The following PPM1L variants were observed in gnomAD, a reference collection of about 807,000 sequenced individuals.
PPM1L encodes the protein protein phosphatase, Mg2+/Mn2+ dependent 1L.
Under a neutral mutation model 31.4 loss-of-function variants are expected in PPM1L, and 13 were observed. The observed-to-expected ratio is 0.41, with a 90% CI of 0.27 to 0.66. The LOEUF (loss-of-function observed/expected upper bound fraction) is 0.66, where lower values mean the gene tolerates loss of function less well. Among genes scored for constraint, PPM1L ranks in the 30% least tolerant of loss-of-function variants. The probability of loss-of-function intolerance (pLI) is 0.29; values close to 1 mark genes in which losing one functional copy is unlikely to be tolerated. For missense variants in PPM1L, 326 were observed against 453.7 expected (o/e 0.72, Z 2.56); for synonymous variants, 184 against 175.4 (o/e 1.05, Z -0.39).
intron 1 of PPM1L, among the ~76,000 whole-genome samples, chr3:160,917,187 A>G (rs1714214310): frequency 6.6e-6 from 1 of 152,212 alleles, no homozygotes; most frequent in South Asian, 2.1e-4. Flanking sequence ...TATTTGGTTC[A>G]ATGACATTGA....
At chr3:160,878,383 T>G (rs946105161) in intron 1 of PPM1L, among the ~76,000 whole-genome samples, 4 of 152,202 alleles carry the variant, frequency 2.6e-5, no homozygotes, top group East Asian at 3.9e-4. Context: ...CTGGGAAGTC[T>G]AAAATCAAAG....
intron 2 of PPM1L, among the ~76,000 whole-genome samples, chr3:161,062,458 A>G (rs1719600889): frequency 6.6e-6 from 1 of 152,106 alleles, no homozygotes; most frequent in African/African-American, 2.4e-5. Context: ...ATAAGAACCT[A>G]TCACCTACCC....
In PPM1L at chr3:160,852,788, A is replaced by G. The variant is rs527338737; in HGVS notation, c.399+96081A>G. Among the ~76,000 whole-genome samples, 12 of 152,330 alleles carry G rather than the reference A, an allele frequency of 7.9e-5. No individual in the cohort carries two copies. The East Asian group carries it at 2.3e-3, about 29-fold the overall frequency. ...GGTACTTCAGGTCATTTACTGTAGA[A>G]TTTATGTTTATAACACTGTATTTTA... On this transcript the variant is annotated intron_variant, in intron 1 of 3. Transcript: ENST00000498165.
chr3:161,027,829 AT>A (rs1718452160), intron 2 of PPM1L, among the ~76,000 whole-genome samples: 1 of 152,186 alleles, frequency 6.6e-6, no homozygotes, highest in African/African-American at 2.4e-5. Flanking sequence ...TTGCAAAAAA[AT>A]TTGCAAAAAG....
At chr3:160,966,436 A>T (rs1430328346) in intron 2 of PPM1L, among the ~76,000 whole-genome samples, 1 of 152,110 alleles carries the variant, frequency 6.6e-6, no homozygotes, top group Non-Finnish European at 1.5e-5. Flanking sequence ...GTGATTTTAT[A>T]TCCTGCTTTT....
intron 3 of PPM1L, among the ~76,000 whole-genome samples, chr3:161,068,272 G>T (rs868364140): frequency 6.6e-6 from 1 of 152,196 alleles, no homozygotes; most frequent in Non-Finnish European, 1.5e-5. Flanking sequence ...GGTTAGAAGA[G>T]ACAGAGCCAG....
rs191381422 is a variant in PPM1L at position 161,065,376 on chromosome 3, G to A, written c.575-27G>A. On this transcript the variant is annotated intron_variant, in intron 2 of 3. Transcript: ENST00000498165. Reference sequence around the variant, plus strand: ...AACCTGAATGCACTGCTGACCTCCCGCGTTCTCTCTCTCTTCTATTTTTCA... The same window carrying A: ...AACCTGAATGCACTGCTGACCTCCCACGTTCTCTCTCTCTTCTATTTTTCA... 1.8e-5 allele frequency: 29 copies of A among 1,609,298 alleles called. No homozygotes were observed. In the East Asian group the frequency reaches 4.7e-4, roughly 26 times the overall value.
chr3:160,846,496 G>T (rs1255812743), intron 1 of PPM1L, among the ~76,000 whole-genome samples: 2 of 152,042 alleles, frequency 1.3e-5, no homozygotes, highest in African/African-American at 4.8e-5. Flanking sequence ...TAAAAATGTT[G>T]TATTATTAGG....
chr3:160,816,178 A>G lies in PPM1L; in HGVS notation c.399+59471A>G, dbSNP rs141922930. 3.9e-5 allele frequency among the ~76,000 whole-genome samples: 6 copies of G among 152,148 alleles called. No individual in the cohort carries two copies. In the East Asian group the frequency reaches 9.7e-4, roughly 24 times the overall value. On this transcript the variant is annotated intron_variant, in intron 1 of 3. Transcript: ENST00000498165. ...TAAACTGATTCTTCTCTCCTCCTTAAGAGTAAAAAGTATTGGGGACAATGG... is the reference window on the plus strand; with the variant it reads ...TAAACTGATTCTTCTCTCCTCCTTAGGAGTAAAAAGTATTGGGGACAATGG...
intron 2 of PPM1L, among the ~76,000 whole-genome samples, chr3:161,045,314 A>G (rs1338581147): frequency 6.6e-6 from 1 of 152,228 alleles, no homozygotes; most frequent in Non-Finnish European, 1.5e-5. Context: ...TCAACAGAAT[A>G]TACATTCTTC....
intron 1 of PPM1L, among the ~76,000 whole-genome samples, chr3:160,881,999 T>C (rs1424868056): frequency 1.3e-5 from 2 of 149,702 alleles, no homozygotes; most frequent in Non-Finnish European, 2.9e-5. Flanking sequence ...TGCAGTGAGC[T>C]GAGATTGCAC....
chr3:161,010,637 C>A (rs1717862641), intron 2 of PPM1L, among the ~76,000 whole-genome samples: 2 of 152,202 alleles, frequency 1.3e-5, no homozygotes, highest in Non-Finnish European at 2.9e-5. Flanking sequence ...TACAGTCCCA[C>A]CAACAGTGTA....
intron 1 of PPM1L, among the ~76,000 whole-genome samples, chr3:160,807,044 C>G (rs147873969): frequency 1.3e-5 from 2 of 152,092 alleles, no homozygotes; most frequent in African/African-American, 4.8e-5. Flanking sequence ...AAGATGGGGC[C>G]GAGGCATCAA....
chr3:160,937,861 G>A (rs1185064385), intron 1 of PPM1L, among the ~76,000 whole-genome samples: 1 of 152,080 alleles, frequency 6.6e-6, no homozygotes, highest in Non-Finnish European at 1.5e-5. Context: ...AAGTGTATGT[G>A]TTTTAATATT....
chr3:160,906,248 A>G (rs963310367), intron 1 of PPM1L, among the ~76,000 whole-genome samples: 5 of 152,202 alleles, frequency 3.3e-5, no homozygotes, highest in African/African-American at 1.2e-4. Context: ...CTGCATAACA[A>G]CATACCCTAA....
intron 2 of PPM1L, among the ~76,000 whole-genome samples, chr3:161,020,723 A>G (rs746808581): frequency 1.3e-5 from 2 of 152,122 alleles, no homozygotes; most frequent in African/African-American, 2.4e-5. Flanking sequence ...TTCAATCTCT[A>G]TACTTGTTAT....
intron 1 of PPM1L, among the ~76,000 whole-genome samples, chr3:160,897,998 A>G (rs1385934491): frequency 6.6e-6 from 1 of 152,194 alleles, no homozygotes; most frequent in African/African-American, 2.4e-5. Flanking sequence ...TGTACCCTTA[A>G]TATCATTACT....
chr3:160,949,401 G>A (rs1195572130), intron 1 of PPM1L, among the ~76,000 whole-genome samples: 1 of 152,110 alleles, frequency 6.6e-6, no homozygotes, highest in East Asian at 1.9e-4. Context: ...ACAGGCTGTG[G>A]CTCTGTCCAA....
At chr3:160,957,952 A>G (rs1576743027) in intron 1 of PPM1L, among the ~76,000 whole-genome samples, 1 of 152,058 alleles carries the variant, frequency 6.6e-6, no homozygotes, top group South Asian at 2.1e-4. Context: ...GGCTGCATGT[A>G]TGTGTTCTTT....
Sources: gnomAD v4.1 joint callset for allele counts (sites outside exome capture counted in the v4.1 genomes callset) on GRCh38, gnomAD v4.1.1 for gene constraint, MANE v1.5 for transcripts, NCBI Gene and HGNC (gene_info 2026-07-23, HGNC 2026-07-21) for gene names.